The following TMEM135 variants were observed in gnomAD, a reference collection of about 807,000 sequenced individuals.
TMEM135 encodes the protein peroxisomal membrane protein 52.
A neutral mutation model predicts 60.3 loss-of-function variants in TMEM135; 30 were observed. That is an observed-to-expected ratio of 0.50 (90% CI 0.37 to 0.68). The LOEUF (loss-of-function observed/expected upper bound fraction) is 0.68, where lower values mean the gene tolerates loss of function less well. TMEM135 is among the 30% of genes least tolerant of loss of function. The probability of loss-of-function intolerance (pLI) is 0.00; values close to 1 mark genes in which losing one functional copy is unlikely to be tolerated. For synonymous variants in TMEM135, 190 were observed against 186.7 expected, an observed-to-expected ratio of 1.02 and a Z score of -0.14; for missense variants, 468 against 548.8, an observed-to-expected ratio of 0.85 and a Z score of 1.47.
At chr11:87,130,790 C>G (rs1468510038) in intron 4 of TMEM135, among the ~76,000 whole-genome samples, 1 of 152,152 alleles carries the variant, frequency 6.6e-6, no homozygotes, top group Non-Finnish European at 1.5e-5. Context: ...GAGTGAAACA[C>G]TGTACCAGGC....
chr11:87,240,511 G>A (rs755318080), intron 6 of TMEM135, among the ~76,000 whole-genome samples: 23 of 139,106 alleles, frequency 1.7e-4, no homozygotes, highest in Non-Finnish European at 3.0e-4. Context: ...AGGATTGATT[G>A]GGGTCTTCCC....
intron 5 of TMEM135, among the ~76,000 whole-genome samples, chr11:87,178,784 G>T (rs1004359400): frequency 2.2e-4 from 34 of 151,722 alleles, no homozygotes; most frequent in Non-Finnish European, 4.0e-4. Flanking sequence ...TTTCATGACT[G>T]AATAGTATTC....
At chr11:87,165,722 G>T (rs1289835503) in intron 5 of TMEM135, among the ~76,000 whole-genome samples, 3 of 151,240 alleles carry the variant, frequency 2.0e-5, no homozygotes, top group Non-Finnish European at 1.5e-5. Flanking sequence ...CTAGCAGAAG[G>T]CAAGAAATAA....
At chr11:87,285,680 A>G (rs1242301487) in intron 6 of TMEM135, among the ~76,000 whole-genome samples, 1 of 152,224 alleles carries the variant, frequency 6.6e-6, no homozygotes, top group Non-Finnish European at 1.5e-5. Context: ...GAGCAGCAGC[A>G]AGAGGTATTG....
At chr11:87,084,313 C>CTT (rs5793234) in intron 3 of TMEM135, among the ~76,000 whole-genome samples, 1 of 146,106 alleles carries the variant, frequency 6.8e-6, no homozygotes, top group Non-Finnish European at 1.5e-5. Flanking sequence ...AGCAGTGGTT[C>CTT]TTTTTTTTTT....
intron 5 of TMEM135, among the ~76,000 whole-genome samples, chr11:87,177,580 A>C (rs1258822144): frequency 6.6e-6 from 1 of 152,200 alleles, no homozygotes; most frequent in African/African-American, 2.4e-5. Context: ...AATCAAATCT[A>C]GTTTTTGAAT....
Position 87,321,613 on chromosome 11 carries a change from A to G in TMEM135, c.*280A>G, listed in dbSNP as rs1239482164. On this transcript the variant is annotated 3_prime_UTR_variant, in exon 15 of 15. Transcript: ENST00000305494. ...AAATTATGTCCACAAGCAATATTAT[A>G]TAATCTACGTAGAAGTGTAATAACA... The G allele has an allele frequency of 3.5e-6, 2 of 576,058 alleles. No individual in the cohort carries two copies. Among genetic ancestry groups the G allele is most frequent in the South Asian group, 1.5e-5 (1 of 65,068 alleles). The allele number at this position is 576,058 out of a possible 1,614,324, so 35.7% of individuals were successfully genotyped here.
At chr11:87,117,362 T>C (rs1254722223) in intron 4 of TMEM135, among the ~76,000 whole-genome samples, 1 of 152,208 alleles carries the variant, frequency 6.6e-6, no homozygotes, top group East Asian at 1.9e-4. Context: ...AAGATCTCTC[T>C]GAAGCATGCA....
In TMEM135 at chr11:87,083,724, A is replaced by G. The variant is rs1231668320; in HGVS notation, c.363-7638A>G. Among the ~76,000 whole-genome samples, 12 of 152,332 alleles carry G rather than the reference A, an allele frequency of 7.9e-5. No individual in the cohort carries two copies. In the East Asian group the frequency reaches 1.3e-3, roughly 17 times the overall value. ...TTACTCTTTATGTACTATATAAGAT[A>G]GAACATGATCATAGACTCTTGCTCT... On this transcript the variant is annotated intron_variant, in intron 3 of 14. Transcript: ENST00000305494.
chr11:87,076,353 T>C (rs1856872703), intron 3 of TMEM135, among the ~76,000 whole-genome samples: 2 of 152,216 alleles, frequency 1.3e-5, no homozygotes, highest in South Asian at 4.1e-4. Flanking sequence ...TGGCCACTGC[T>C]GATGTTCACT....
intron 6 of TMEM135, among the ~76,000 whole-genome samples, chr11:87,287,789 A>G (rs1942194847): frequency 6.6e-6 from 1 of 152,212 alleles, no homozygotes; most frequent in Admixed American, 6.5e-5. Context: ...TTTCAGCCTA[A>G]ATCATTTATT....
chr11:87,072,480 A>C (rs1350070583), intron 3 of TMEM135, among the ~76,000 whole-genome samples: 1 of 152,058 alleles, frequency 6.6e-6, no homozygotes, highest in African/African-American at 2.4e-5. Flanking sequence ...TCCCGAGTTC[A>C]AGCAATTCTC....
At chr11:87,271,233 CT>C (rs1941855623) in intron 6 of TMEM135, among the ~76,000 whole-genome samples, 1 of 152,114 alleles carries the variant, frequency 6.6e-6, no homozygotes, top group Non-Finnish European at 1.5e-5. Flanking sequence ...AGTTTAGGAG[CT>C]GTTCAATTTG....
intron 1 of TMEM135, among the ~76,000 whole-genome samples, chr11:87,064,904 A>C (rs987821574): frequency 6.6e-6 from 1 of 152,110 alleles, no homozygotes; most frequent in African/African-American, 2.4e-5. Flanking sequence ...ACCCAAAAAA[A>C]CAATATTCTA....
At chr11:87,143,361 TCTTTC>T (rs1274263854) in intron 4 of TMEM135, among the ~76,000 whole-genome samples, 1 of 132,546 alleles carries the variant, frequency 7.5e-6, no homozygotes, top group Non-Finnish European at 1.6e-5. Context: ...TTTCTTTCTT[TCTTTC>T]TTTTTTTTTT....
chr11:87,042,985 C>T (rs1292029647), intron 1 of TMEM135, among the ~76,000 whole-genome samples: 19 of 138,430 alleles, frequency 1.4e-4, no homozygotes, highest in Admixed American at 9.6e-4. Context: ...GACAGAGTTT[C>T]GCTCTTGTTG....
rs752037424 is a variant in TMEM135 at position 87,236,653 on chromosome 11, A to G, written c.478A>G (p.Ile160Val). The change falls in exon 6 of 15, where the codon ATC becomes GTC. Residue 160 changes from isoleucine to valine, a missense_variant. Ile to Val is a conservative substitution (Grantham distance 29). Coordinates refer to ENST00000305494, the MANE Select transcript of TMEM135 (RefSeq NM_022918.4). ...LRNGEVLLFC[I>V]TAAMYMFFFR... ...TTTGTTACAGGTCCTTTTGTTTTGCATCACAGCTGCCATGTACATGTTCTT... is the reference window on the plus strand; with the variant it reads ...TTTGTTACAGGTCCTTTTGTTTTGCGTCACAGCTGCCATGTACATGTTCTT... 88 of 1,612,342 alleles carry G rather than the reference A, an allele frequency of 5.5e-5. No individual in the cohort carries two copies. The highest frequency in any genetic ancestry group is 1.5e-4 in the Admixed American group (9 of 59,828).
chr11:87,067,272 T>C (rs1590992581), intron 1 of TMEM135, among the ~76,000 whole-genome samples: 2 of 150,280 alleles, frequency 1.3e-5, no homozygotes, highest in Admixed American at 1.3e-4. Flanking sequence ...TTTGAATAAC[T>C]GAATGAATTT....
rs114688527 is a variant in TMEM135, at chr11:87,314,786, T to C, written c.1077+239T>C. ...ACCCATCATGCAGCTTCAACAGTTATCAGTATTTGGCCAGTCTCCTTTCAT... is the reference window on the plus strand; with the variant it reads ...ACCCATCATGCAGCTTCAACAGTTACCAGTATTTGGCCAGTCTCCTTTCAT... On this transcript the variant is annotated intron_variant, in intron 12 of 14. Coordinates refer to ENST00000305494, the MANE Select transcript of TMEM135 (RefSeq NM_022918.4). 9.8e-3 allele frequency among the ~76,000 whole-genome samples: 1,483 copies of C among 151,360 alleles called. 28 individuals carry two copies. Among genetic ancestry groups the C allele is most frequent in the African/African-American group, 0.035 (1,424 of 40,992 alleles).
Sources: allele counts gnomAD v4.1 joint callset (sites outside exome capture counted in the v4.1 genomes callset), GRCh38; gene constraint gnomAD v4.1.1; transcripts MANE v1.5; gene names NCBI Gene and HGNC (gene_info 2026-07-23, HGNC 2026-07-21).